The following DCHS2 variants were observed in gnomAD, a reference collection of about 807,000 sequenced individuals.
The protein encoded by DCHS2 is dachsous cadherin-related 2.
In DCHS2, 142 loss-of-function variants were observed where a neutral mutation model predicts 182.4. That is an observed-to-expected ratio of 0.78 (90% CI 0.68 to 0.89). DCHS2 has a LOEUF of 0.89. Among genes scored for constraint, DCHS2 ranks in the 40% least tolerant of loss-of-function variants. The pLI is 0.00. For missense variants in DCHS2, 4,319 were observed against 4,198.6 expected (o/e 1.03, Z -0.79); for synonymous variants, 1,740 against 1,663.3 (o/e 1.05, Z -1.12).
chr4:154,427,330 C>T (rs547828250), intron 1 of DCHS2, among the ~76,000 whole-genome samples: 2 of 152,264 alleles, frequency 1.3e-5, no homozygotes, highest in Admixed American at 6.5e-5. Context: ...AGAGTTTCAG[C>T]CACTCACAGG....
At position 154,259,614 on chromosome 4, in the gene DCHS2, T is replaced by G; in HGVS notation, c.6720A>C (p.Pro2240=). ...VLIQDENDNS[P]CFEQSIYQAS... ...CCTGGTAAATGCTTTGTTCAAAGCA[T>G]GGTGAATTATCATTCTCATCCTGTA... The change falls in exon 15 of 20, where the codon CCA becomes CCC. Residue 2240 remains proline (P), a synonymous_variant. Coordinates refer to ENST00000357232, the MANE Select transcript of DCHS2 (RefSeq NM_001358235.2). 6.2e-7 allele frequency: 1 copy of G among 1,614,068 alleles called. No homozygotes were observed. The highest frequency in any genetic ancestry group is 8.5e-7 in the Non-Finnish European group (1 of 1,180,012).
At chr4:154,336,910 C>G (rs986994724) in intron 3 of DCHS2, among the ~76,000 whole-genome samples, 1 of 152,066 alleles carries the variant, frequency 6.6e-6, no homozygotes, top group Non-Finnish European at 1.5e-5. Context: ...ATTTTGATAA[C>G]CAAAGTGAAC....
chr4:154,307,312 A>T lies in DCHS2; in HGVS notation c.5261-2081T>A, dbSNP rs149748517. 1.9e-4 allele frequency among the ~76,000 whole-genome samples: 29 copies of T among 152,346 alleles called. 1 individual carries two copies. The East Asian group carries it at 4.4e-3, about 23-fold the overall frequency. On this transcript the variant is annotated intron_variant, in intron 10 of 19. Coordinates refer to ENST00000357232, the MANE Select transcript of DCHS2 (RefSeq NM_001358235.2). ...GCAAATTGGAAATTTGGATCTGAAG[A>T]TATTTAGTGATATCCTTATGACACA...
chr4:154,237,297 T>A, intron 19 of DCHS2, 138 bp from the exon 20 acceptor site: 1 of 1,143,842 alleles, frequency 8.7e-7, no homozygotes, highest in Non-Finnish European at 1.2e-6. Flanking sequence ...GAACAATGAC[T>A]CCAAATAGAA....
At chr4:154,376,443 C>G (rs943414006) in intron 2 of DCHS2, among the ~76,000 whole-genome samples, 1 of 83,984 alleles carries the variant, frequency 1.2e-5, no homozygotes, top group South Asian at 6.0e-4. Context: ...ATTAAGACAG[C>G]AAGTTACTAT....
chr4:154,313,765 A>T (rs1735754749), intron 10 of DCHS2, among the ~76,000 whole-genome samples: 1 of 152,250 alleles, frequency 6.6e-6, no homozygotes, highest in Non-Finnish European at 1.5e-5. Context: ...AGTAAATCAA[A>T]ATTGTCTCCA....
chr4:154,433,657 G>C (rs1022065427), intron 1 of DCHS2, among the ~76,000 whole-genome samples: 2 of 152,124 alleles, frequency 1.3e-5, no homozygotes, highest in Non-Finnish European at 2.9e-5. Flanking sequence ...GCCTCCCAAA[G>C]TGCTGGGATT....
intron 1 of DCHS2, among the ~76,000 whole-genome samples, chr4:154,403,077 A>G (rs893136915): frequency 2.0e-5 from 3 of 152,204 alleles, no homozygotes; most frequent in African/African-American, 7.2e-5. Context: ...TAGATTACTT[A>G]GGCTTTTCAA....
chr4:154,239,064 G>C, intron 19 of DCHS2, 106 bp downstream of exon 19: 1 of 1,408,502 alleles, frequency 7.1e-7, no homozygotes, highest in Non-Finnish European at 9.4e-7. Context: ...TTCCATGCGG[G>C]GTGGGGAGGT....
chr4:154,446,511 T>C (rs1734290325), intron 1 of DCHS2, among the ~76,000 whole-genome samples: 1 of 152,158 alleles, frequency 6.6e-6, no homozygotes, highest in South Asian at 2.1e-4. Context: ...TACTATTTAA[T>C]CCTCAGAACA....
chr4:154,484,596 A>G (rs1345577863), intron 1 of DCHS2, among the ~76,000 whole-genome samples: 2 of 152,238 alleles, frequency 1.3e-5, no homozygotes, highest in African/African-American at 4.8e-5. Context: ...CTTTCACTAC[A>G]AAACACATAT....
At chr4:154,303,069 C>T (rs1304088917) in intron 12 of DCHS2, among the ~76,000 whole-genome samples, 10 of 150,462 alleles carry the variant, frequency 6.6e-5, no homozygotes, top group African/African-American at 2.4e-4. Context: ...GCAACCTCTG[C>T]CTCCTAAGTT....
At chr4:154,311,669 C>T (rs560336049) in intron 10 of DCHS2, among the ~76,000 whole-genome samples, 37 of 152,240 alleles carry the variant, frequency 2.4e-4, no homozygotes, top group Middle Eastern at 3.4e-3. Context: ...GTGAGGGCAG[C>T]TTGAGGAAGC....
At position 154,333,208 on chromosome 4, in the gene DCHS2, G is replaced by A. The variant is rs766039920; in HGVS notation, c.3000C>T (p.Leu1000=). The A allele has an allele frequency of 2.4e-5, 38 of 1,614,102 alleles. No homozygotes were observed. In the East Asian group the frequency reaches 5.8e-4, roughly 25 times the overall value. The change falls in exon 5 of 20, where the codon CTC becomes CTT. Residue 1000 remains leucine, a synonymous_variant. Transcript: ENST00000357232. ...CACTGTCTCTGTCTTCCGCACGTGC[G>A]AGGTACAAGGCTGTGCCAGGGGGCG... The part of the protein sequence containing the change: ...QTTPPGTALY[L]ARAEDRDSGR...
intron 7 of DCHS2, chr4:154,323,465 GACTAC>G: frequency 7.8e-7 from 1 of 1,282,446 alleles, no homozygotes; most frequent in Non-Finnish European, 1.1e-6. Context: ...AGATAGCTGG[GACTAC>G]AGGCATGGGC....
At chr4:154,323,247 G>A in intron 7 of DCHS2, 7 of 1,464,830 alleles carry the variant, frequency 4.8e-6, no homozygotes, top group Non-Finnish European at 6.4e-6. Context: ...TTCAGGTCAG[G>A]ATTTTGTTTG....
chr4:154,309,446 T>G (rs1404969542), intron 10 of DCHS2, among the ~76,000 whole-genome samples: 1 of 152,194 alleles, frequency 6.6e-6, no homozygotes, highest in Non-Finnish European at 1.5e-5. Context: ...CAAGGCCCCC[T>G]CTCTCATTTC....
At chr4:154,266,978 T>A (rs924048238) in intron 14 of DCHS2, among the ~76,000 whole-genome samples, 1 of 152,212 alleles carries the variant, frequency 6.6e-6, no homozygotes, top group African/African-American at 2.4e-5. Flanking sequence ...CAAACCCTTC[T>A]CCACCAACTT....
intron 3 of DCHS2, among the ~76,000 whole-genome samples, chr4:154,339,732 C>T (rs915019225): frequency 2.6e-5 from 4 of 152,094 alleles, no homozygotes; most frequent in African/African-American, 4.8e-5. Flanking sequence ...CAGGTGTGAG[C>T]GACCGCGCCC....
Sources: allele counts gnomAD v4.1 joint callset (sites outside exome capture counted in the v4.1 genomes callset), GRCh38; gene constraint gnomAD v4.1.1; transcripts MANE v1.5; gene names NCBI Gene and HGNC (gene_info 2026-07-23, HGNC 2026-07-21).